Variants in PIEZO2 observed in about 807,000 individuals in gnomAD.
PIEZO2 encodes piezo type mechanosensitive ion channel component 2, also known as piezo-type mechanosensitive ion channel component 2.
A neutral mutation model predicts 337.3 loss-of-function variants in PIEZO2; 172 were observed. The ratio of observed to expected loss-of-function variants is 0.51; its 90% CI spans 0.45 to 0.58. The LOEUF (loss-of-function observed/expected upper bound fraction) is 0.58, where lower values mean the gene tolerates loss of function less well. Among genes scored for constraint, PIEZO2 ranks in the 20% least tolerant of loss-of-function variants. The pLI, the probability that PIEZO2 is intolerant of heterozygous loss-of-function variation, is 0.00. For synonymous variants in PIEZO2, 1,251 were observed against 1,228.5 expected, an observed-to-expected ratio of 1.02 and a Z score of -0.38; for missense variants, 3,028 against 3,391.3, an observed-to-expected ratio of 0.89 and a Z score of 2.66.
rs2038760692 is a variant in PIEZO2 at position 10,775,751 on chromosome 18, C to A, written c.2535-1713G>T. Among the ~76,000 whole-genome samples, 1 of 152,078 alleles carries A rather than the reference C, an allele frequency of 6.6e-6. No individual in the cohort carries two copies. The highest frequency in any genetic ancestry group is 6.5e-5 in the Admixed American group (1 of 15,278). The stretch of plus-strand genomic sequence containing the variant: ...AGTAAGCCTTTTGGAAGTAGGTCCA[C>A]AAGGCTGATTTCTAGAAACTTGTAA... On this transcript the variant is annotated intron_variant, in intron 18 of 55. Transcript: ENST00000674853. This position sits in a 1 kb window ranked among gnomAD's most constrained non-coding sequence, Gnocchi z 4.3.
rs181647120 is a variant in PIEZO2 at position 10,718,653 on chromosome 18, G to A, written c.5030-394C>T. On this transcript the variant is annotated intron_variant, in intron 36 of 55. Transcript: ENST00000674853. The stretch of plus-strand genomic sequence containing the variant: ...ATTTGTCTGTATATTATCTATAGCT[G>A]CTTTTGCCCTATAATGGCAGATTTG... Among the ~76,000 whole-genome samples, 6 of 152,310 alleles carry A rather than the reference G, an allele frequency of 3.9e-5. No individual in the cohort carries two copies. The East Asian group carries it at 1.2e-3, about 29-fold the overall frequency.
chr18:10,977,001 A>ATGTCTGTGTG (rs1555686067), intron 3 of PIEZO2, among the ~76,000 whole-genome samples: 1 of 142,910 alleles, frequency 7.0e-6, no homozygotes, highest in Non-Finnish European at 1.5e-5. Context: ...AAGAACAAAT[A>ATGTCTGTGTG]TGTGTGTGTG....
chr18:10,778,300 G>C (rs369273998), intron 18 of PIEZO2, among the ~76,000 whole-genome samples: 2 of 150,720 alleles, frequency 1.3e-5, no homozygotes, highest in East Asian at 3.9e-4. Context: ...AGGCTTGTTT[G>C]ATAACGTTTC....
intron 36 of PIEZO2, among the ~76,000 whole-genome samples, chr18:10,730,862 G>A (rs1443037385): frequency 6.6e-6 from 1 of 152,116 alleles, no homozygotes; most frequent in Non-Finnish European, 1.5e-5. Context: ...GAGTAGCTGG[G>A]ACTACAGGCG....
At chr18:10,960,602 T>C (rs1004341174) in intron 3 of PIEZO2, among the ~76,000 whole-genome samples, 2 of 152,036 alleles carry the variant, frequency 1.3e-5, no homozygotes, top group African/African-American at 4.8e-5. Flanking sequence ...TTTTACTTGA[T>C]TGGTTTGTAT....
At position 10,716,539 on chromosome 18, in the gene PIEZO2, C is replaced by CAAA. The variant is rs2036017205; in HGVS notation, c.5090-724_5090-723insTTT. Among the ~76,000 whole-genome samples the CAAA allele has an allele frequency of 6.6e-6, 1 of 152,166 alleles. No individual in the cohort carries two copies. Among genetic ancestry groups the CAAA allele is most frequent in the South Asian group, 2.1e-4 (1 of 4,828 alleles). ...AAGAAGCAAGGAAAAGAGCGGGTAT[C>CAAA]TTTTGCTGAGCAAGGAGGCACAGGA... On this transcript the variant is annotated intron_variant, in intron 37 of 55. Coordinates refer to ENST00000674853, the MANE Select transcript of PIEZO2 (RefSeq NM_001378183.1). The surrounding 1 kb of genome is among the most constrained non-coding windows in gnomAD (Gnocchi z 4.1).
chr18:10,951,678 T>G (rs546993334), intron 3 of PIEZO2, among the ~76,000 whole-genome samples: 2 of 152,320 alleles, frequency 1.3e-5, no homozygotes, highest in African/African-American at 2.4e-5. Context: ...CTTTAATCAT[T>G]CTTTTGGGAA....
chr18:11,084,101 T>TG (rs2038838190), intron 1 of PIEZO2, among the ~76,000 whole-genome samples: 1 of 133,726 alleles, frequency 7.5e-6, no homozygotes, highest in African/African-American at 2.9e-5. Flanking sequence ...CACTTGAACC[T>TG]GGGGGGTGGA....
In PIEZO2 at chr18:10,973,073, T is replaced by C. The variant is rs891739963; in HGVS notation, c.286+6462A>G. ...CTCATATATTAAATAGCATAAAAAT[T>C]GTCATGAAAAATATTTGTCAGGATA... On this transcript the variant is annotated intron_variant, in intron 3 of 55. Transcript: ENST00000674853. The surrounding 1 kb of genome is among the most constrained non-coding windows in gnomAD (Gnocchi z 4.9). Among the ~76,000 whole-genome samples, 1 of 152,214 alleles carries C rather than the reference T, an allele frequency of 6.6e-6. No homozygotes were observed. The highest frequency in any genetic ancestry group is 2.4e-5 in the African/African-American group (1 of 41,454).
intron 7 of PIEZO2, among the ~76,000 whole-genome samples, chr18:10,808,761 T>C (rs368693139): frequency 1.3e-5 from 2 of 152,338 alleles, no homozygotes; most frequent in South Asian, 2.1e-4. Context: ...GAAAATGTTT[T>C]TGCAGCCCTA....
Position 10,962,074 on chromosome 18 carries a change from T to A in PIEZO2, c.286+17461A>T, listed in dbSNP as rs1269742738. ...TGATTCTCGCAACGTTCAGTTTTTT[T>A]TTCCAAGCAGACTGTAATCAACTAT... On this transcript the variant is annotated intron_variant, in intron 3 of 55. Transcript: ENST00000674853. This position sits in a 1 kb window ranked among gnomAD's most constrained non-coding sequence, Gnocchi z 4.1. 6.6e-6 allele frequency among the ~76,000 whole-genome samples: 1 copy of A among 152,240 alleles called. No individual in the cohort carries two copies. The highest frequency in any genetic ancestry group is 6.5e-5 in the Admixed American group (1 of 15,282).
intron 4 of PIEZO2, among the ~76,000 whole-genome samples, chr18:10,905,749 G>A (rs2043160297): frequency 6.6e-6 from 1 of 151,896 alleles, no homozygotes; most frequent in Non-Finnish European, 1.5e-5. Flanking sequence ...AAAGACAGTG[G>A]GTCCTTTCTC....
rs766690497 is a variant in PIEZO2, at chr18:11,105,248, A to G, written c.65-39026T>C. Among the ~76,000 whole-genome samples the G allele has an allele frequency of 6.6e-5, 10 of 152,188 alleles. No individual in the cohort carries two copies. The highest frequency in any genetic ancestry group is 5.9e-4 in the Admixed American group (9 of 15,274). Reference sequence around the variant, plus strand: ...TGCAACCAAAAAGAGTTACACGCCCAAAGACTGCAAACCAATATGGACTCA... The same window carrying G: ...TGCAACCAAAAAGAGTTACACGCCCGAAGACTGCAAACCAATATGGACTCA... On this transcript the variant is annotated intron_variant, in intron 1 of 55. Coordinates refer to ENST00000674853, the MANE Select transcript of PIEZO2 (RefSeq NM_001378183.1). The surrounding 1 kb of genome is among the most constrained non-coding windows in gnomAD (Gnocchi z 4.3).
chr18:11,106,083 A>G (rs117039005), intron 1 of PIEZO2, among the ~76,000 whole-genome samples: 2,210 of 151,854 alleles, frequency 0.015, 57 homozygotes, highest in East Asian at 0.11. Flanking sequence ...GCAGCCTTTT[A>G]TTTTATTTTA....
chr18:10,760,923 C>T lies in PIEZO2; in HGVS notation c.3438G>A (p.Lys1146=). 6.5e-7 allele frequency: 1 copy of T among 1,530,968 alleles called. No homozygotes were observed. Among genetic ancestry groups the T allele is most frequent in the South Asian group, 1.2e-5 (1 of 83,786 alleles). The allele number at this position is 1,530,968 out of a possible 1,614,324, so 94.8% of individuals were successfully genotyped here. A position where few individuals can be genotyped will look rare whatever the true frequency, so the allele number is the denominator to read the frequency against. The change falls in exon 24 of 56, where the codon AAG becomes AAA. Residue 1146 remains lysine (K), a synonymous_variant. Transcript: ENST00000674853. ...AKYFINYFFY[K]FGLETCFLMS... is the part of the protein sequence containing the mutation. ...CAAGGAAACTCACCTCCAGACCAAA[C>T]TTGTAAAAGAAGTAATTAATGAAAT...
chr18:11,135,424 C>A (rs2040453949), intron 1 of PIEZO2, among the ~76,000 whole-genome samples: 1 of 152,264 alleles, frequency 6.6e-6, no homozygotes, highest in African/African-American at 2.4e-5. Context: ...TAAAAAGCAA[C>A]TGAAAGACAA....
rs768728304 is a variant in PIEZO2, at chr18:10,675,243, A to C, written c.8127T>G (p.Asp2709Glu). Residue 2709 changes from aspartate (D) to glutamate (E), a missense_variant, in exon 54 of 56, where the codon GAT becomes GAG. Physicochemically the swap from Asp to Glu is conservative, Grantham distance 45. Around this residue, in one of 5 missense-constraint regions of PIEZO2, gnomAD observed 332 missense variants for 363.8 expected, o/e 0.91. Coordinates refer to ENST00000674853, the MANE Select transcript of PIEZO2 (RefSeq NM_001378183.1). ...IYPYYVKAPS[D>E]SNSKPIKQLL... ...GTTGCTTTATAGGTTTTGAGTTAGA[A>C]TCACTAGGTGCTTTCACATAATATG... 5.2e-6 allele frequency: 8 copies of C among 1,552,998 alleles called. No homozygotes were observed. The highest frequency in any genetic ancestry group is 6.1e-6 in the Non-Finnish European group (7 of 1,146,810).
In PIEZO2 at chr18:11,023,040, G is replaced by T. The variant is rs753847803; in HGVS notation, c.160+43087C>A. On this transcript the variant is annotated intron_variant, in intron 2 of 55. Coordinates refer to ENST00000674853, the MANE Select transcript of PIEZO2 (RefSeq NM_001378183.1). Reference sequence around the variant, plus strand: ...TCCCAGTGGGTTCGTGGTCTCGTTGGCTTCAGGAGTGAAGCTGCAGACCCT... The same window carrying T: ...TCCCAGTGGGTTCGTGGTCTCGTTGTCTTCAGGAGTGAAGCTGCAGACCCT... Among the ~76,000 whole-genome samples the T allele has an allele frequency of 4.9e-4, 74 of 152,094 alleles. 1 individual carries two copies. The highest frequency in any genetic ancestry group is 2.8e-4 in the Non-Finnish European group (19 of 68,008).
chr18:11,025,917 C>T (rs978234093), intron 2 of PIEZO2, among the ~76,000 whole-genome samples: 1 of 152,120 alleles, frequency 6.6e-6, no homozygotes. Context: ...ATCTGGGTTC[C>T]GCTGGGGGCA....
Sources: gnomAD v4.1 joint callset for allele counts (sites outside exome capture counted in the v4.1 genomes callset) on GRCh38, gnomAD v4.1.1 for gene constraint, gnomAD v4.1.1 regional missense constraint, Gnocchi (gnomAD v3.1) non-coding constraint, MANE v1.5 for transcripts, NCBI Gene and HGNC (gene_info 2026-07-23, HGNC 2026-07-21) for gene names.